MCIDAS: variants seen among roughly 807,000 people sequenced by gnomAD.
MCIDAS encodes the protein multiciliate differentiation and DNA synthesis associated cell cycle protein.
In MCIDAS, 23 loss-of-function variants were observed where a neutral mutation model predicts 35.4. That is an observed-to-expected ratio of 0.65 (90% confidence interval 0.47 to 0.92). MCIDAS has a LOEUF of 0.92. MCIDAS is among the 40% of genes least tolerant of loss of function. The pLI is 0.00. For missense variants in MCIDAS, 480 were observed against 531.8 expected (o/e 0.90, Z 0.96); for synonymous variants, 228 against 235.2 (o/e 0.97, Z 0.28).
Position 55,220,676 on chromosome 5 carries a change from A to C in MCIDAS, c.848T>G (p.Ile283Ser), listed in dbSNP as rs1745337301. The change falls in exon 7 of 7, where the codon ATC becomes AGC. Residue 283 changes from isoleucine to serine, a missense_variant. Coordinates refer to ENST00000513312, the MANE Select transcript of MCIDAS (RefSeq NM_001190787.3). Reference protein sequence around the residue: ...AGQDCAEVDAILREISERCDE... With the variant: ...AGQDCAEVDASLREISERCDE... ...GCAGCGCTCGGAAATCTCCCTCAGG[A>C]TGGCGTCCACTTCCGCGCAATCCTG... The C allele has an allele frequency of 6.5e-7, 1 of 1,535,940 alleles. No homozygotes were observed. Among genetic ancestry groups the C allele is most frequent in the African/African-American group, 1.4e-5 (1 of 73,048 alleles).
rs954026224 is a variant in MCIDAS at position 55,227,083 on chromosome 5, G to C, written c.56C>G (p.Pro19Arg). ...AGRRAFDSIC[P>R]NRMLALPGRA... ...GCCCGGCAGTGCCAGCATTCTGTTG[G>C]GGCAGATGCTGTCGAAGGCCCGACG... Residue 19 changes from proline to arginine, a missense_variant, in exon 1 of 7, where the codon CCC becomes CGC. By Grantham distance (103) the Pro-to-Arg change is moderately radical. Transcript: ENST00000513312. 2.6e-6 allele frequency: 4 copies of C among 1,513,086 alleles called. No individual in the cohort carries two copies. Among genetic ancestry groups the C allele is most frequent in the Non-Finnish European group, 3.5e-6 (4 of 1,137,828 alleles). 93.7% of individuals were successfully genotyped at this position (1,513,086 alleles called of 1,614,324 possible).
chr5:55,227,074 A>C lies in MCIDAS; in HGVS notation c.65T>G (p.Met22Arg), dbSNP rs1432559245. 6.6e-7 allele frequency: 1 copy of C among 1,520,302 alleles called. No homozygotes were observed. The highest frequency in any genetic ancestry group is 8.8e-7 in the Non-Finnish European group (1 of 1,140,744). 94.2% of individuals were successfully genotyped at this position (1,520,302 alleles called of 1,614,324 possible). A position where few individuals can be genotyped will look rare whatever the true frequency, so the allele number is the denominator to read the frequency against. ...CAGCGCCCGGCCCGGCAGTGCCAGC[A>C]TTCTGTTGGGGCAGATGCTGTCGAA... ...RAFDSICPNRMLALPGRALLC... is the reference protein window; with the variant it reads ...RAFDSICPNRRLALPGRALLC... Residue 22 changes from methionine to arginine, a missense_variant, in exon 1 of 7, where the codon ATG becomes AGG. By Grantham distance (91) the Met-to-Arg change is moderately conservative. Coordinates refer to ENST00000513312, the MANE Select transcript of MCIDAS (RefSeq NM_001190787.3).
rs461103 is a variant in MCIDAS, at chr5:55,219,650, C to A, written c.*716G>T. 126,927 of 151,914 alleles carry A rather than the reference C, an allele frequency of 0.84. 52,999 individuals are homozygous for A. The highest frequency in any genetic ancestry group is 0.88 in the Middle Eastern group (256 of 292). The allele number at this position is 151,914 out of a possible 1,614,324, so 9.4% of individuals were successfully genotyped here. On this transcript the variant is annotated 3_prime_UTR_variant, in exon 7 of 7. Transcript: ENST00000513312. The stretch of plus-strand genomic sequence containing the variant: ...CTTATAGGTGGTTATTCTATTTGCA[C>A]AAATAGAACTGTATGGATAATGAAT...
At position 55,222,455 on chromosome 5, in the gene MCIDAS, A is replaced by G. The variant is rs987923722; in HGVS notation, c.383-56T>C. The G allele has an allele frequency of 2.0e-5, 28 of 1,381,778 alleles. No homozygotes were observed. The South Asian group carries it at 3.4e-4, about 17-fold the overall frequency. The allele number at this position is 1,381,778 out of a possible 1,614,324, so 85.6% of individuals were successfully genotyped here. ...CTCAAATTCATGCCCAGCTAGTTAC[A>G]GGAGCAAAATGCCACTCTGGGTGTA... On this transcript the variant is annotated intron_variant, in intron 4 of 6. Transcript: ENST00000513312.
rs917185931 is a variant in MCIDAS, at chr5:55,219,672, G to T, written c.*694C>A. The stretch of plus-strand genomic sequence containing the variant: ...GCACAAATAGAACTGTATGGATAAT[G>T]AATATAAACTGTTACCATAAATCTT... On this transcript the variant is annotated 3_prime_UTR_variant, in exon 7 of 7. Transcript: ENST00000513312. 3 of 152,002 alleles carry T rather than the reference G, an allele frequency of 2.0e-5. No individual in the cohort carries two copies. Among genetic ancestry groups the T allele is most frequent in the Non-Finnish European group, 2.9e-5 (2 of 68,006 alleles). 9.4% of individuals were successfully genotyped at this position (152,002 alleles called of 1,614,324 possible).
chr5:55,220,202 A>T lies in MCIDAS; in HGVS notation c.*164T>A. 3 of 671,642 alleles carry T rather than the reference A, an allele frequency of 4.5e-6. No individual in the cohort carries two copies. The highest frequency in any genetic ancestry group is 7.4e-6 in the Non-Finnish European group (3 of 404,072). The allele number at this position is 671,642 out of a possible 1,614,324, so 41.6% of individuals were successfully genotyped here. Reference sequence around the variant, plus strand: ...TTTCACTGTGACAAGGGGAGGGGCTATACAATGTTTTGTAGCAGAAATTTA... The same window carrying T: ...TTTCACTGTGACAAGGGGAGGGGCTTTACAATGTTTTGTAGCAGAAATTTA... On this transcript the variant is annotated 3_prime_UTR_variant, in exon 7 of 7. Transcript: ENST00000513312.
chr5:55,222,170 C>T lies in MCIDAS; in HGVS notation c.606+6G>A. ...GGATTCCTGGTCGCCAGACCAGTGT[C>T]CCTACTTGATTATTCTCAACAAGCG... is the stretch of plus-strand genomic sequence containing the variant. On this transcript the variant is annotated splice_donor_region_variant and intron_variant, in intron 5 of 6. Transcript: ENST00000513312. The T allele has an allele frequency of 1.3e-6, 2 of 1,534,308 alleles. No individual in the cohort carries two copies. The highest frequency in any genetic ancestry group is 2.4e-5 in the East Asian group (1 of 40,894).
At chr5:55,222,072 G>C in intron 5 of MCIDAS, 104 bp downstream of exon 5, 2 of 1,096,100 alleles carry the variant, frequency 1.8e-6, no homozygotes, top group East Asian at 5.2e-5. Flanking sequence ...CAGTCCACTG[G>C]TTCCGACTCA....
chr5:55,226,584 C>A lies in MCIDAS; in HGVS notation c.301G>T (p.Ala101Ser), dbSNP rs921264958. 2.0e-5 allele frequency: 31 copies of A among 1,530,696 alleles called. No homozygotes were observed. The African/African-American group carries it at 3.6e-4, about 18-fold the overall frequency. 94.8% of individuals were successfully genotyped at this position (1,530,696 alleles called of 1,614,324 possible). ...ACGAGAAGGGGAGGTACCTGCGAGG[C>A]GGCCAGGTCACCACCAGGCGGCGCG... ...SDAPPGGDLA[A>S]SQNHSHQTEA... Residue 101 changes from alanine (A) to serine (S), a missense_variant, in exon 3 of 7, where the codon GCC becomes TCC. Ala to Ser is a moderately conservative substitution (Grantham distance 99, BLOSUM62 1). Transcript: ENST00000513312.
At chr5:55,225,572 C>T (rs1316336780) in intron 3 of MCIDAS, among the ~76,000 whole-genome samples, 1 of 152,248 alleles carries the variant, frequency 6.6e-6, no homozygotes, top group Non-Finnish European at 1.5e-5. Flanking sequence ...GCCACCTAAA[C>T]TGAGTGTCTC....
chr5:55,221,064 C>A lies in MCIDAS; in HGVS notation c.669G>T (p.Gln223His), dbSNP rs1234404594. Residue 223 changes from glutamine (Q) to histidine (H), a missense_variant, in exon 6 of 7, where the codon CAG (glutamine) becomes CAT (histidine). Coordinates refer to ENST00000513312, the MANE Select transcript of MCIDAS (RefSeq NM_001190787.3). ...GGGTTCGGCTGGCGAGTTCCTTCAG[C>A]TGCACGTTCCGCTCCTTGAGCGAGG... Reference protein sequence around the residue: ...EIASLKERNVQLKELASRTRH... With the variant: ...EIASLKERNVHLKELASRTRH... 5.2e-6 allele frequency: 8 copies of A among 1,536,136 alleles called. No individual in the cohort carries two copies. Among genetic ancestry groups the A allele is most frequent in the Non-Finnish European group, 7.0e-6 (8 of 1,146,894 alleles).
intron 5 of MCIDAS, among the ~76,000 whole-genome samples, 170 bp downstream of exon 5, chr5:55,222,006 C>T (rs1283433790): frequency 6.6e-6 from 1 of 152,078 alleles, no homozygotes; most frequent in East Asian, 1.9e-4. Flanking sequence ...TCCCACTTAA[C>T]CAATTTGGAA....
Position 55,227,046 on chromosome 5 carries a change from G to C in MCIDAS, c.93C>G (p.Leu31=), listed in dbSNP as rs577029897. ...TCCTCTCCGGCTTCCCCGGCTTGCA[G>C]AGCAGCGCCCGGCCCGGCAGTGCCA... ...RMLALPGRAL[L]CKPGKPERKF... The change falls in exon 1 of 7, where the codon CTC becomes CTG. Residue 31 remains leucine, a synonymous_variant. Coordinates refer to ENST00000513312, the MANE Select transcript of MCIDAS (RefSeq NM_001190787.3). 1.6e-4 allele frequency: 249 copies of C among 1,519,884 alleles called. 1 individual carries two copies. In the African/African-American group the frequency reaches 3.1e-3, roughly 19 times the overall value. The allele number at this position is 1,519,884 out of a possible 1,614,324, so 94.1% of individuals were successfully genotyped here. A position where few individuals can be genotyped will look rare whatever the true frequency, so the allele number is the denominator to read the frequency against.
At chr5:55,221,157 A>G (rs1745349930) in intron 5 of MCIDAS, 31 bp from the exon 6 acceptor site, 15 of 1,492,836 alleles carry the variant, frequency 1.0e-5, no homozygotes, top group Non-Finnish European at 1.4e-5. Flanking sequence ...ATTCAGGGGT[A>G]GGTACTGTGC....
Position 55,226,685 on chromosome 5 carries a change from G to C in MCIDAS, c.218-18C>G, listed in dbSNP as rs1220983264. The C allele has an allele frequency of 4.1e-6, 6 of 1,479,064 alleles. No homozygotes were observed. The highest frequency in any genetic ancestry group is 1.3e-5 in the South Asian group (1 of 75,946). The allele number at this position is 1,479,064 out of a possible 1,614,324, so 91.6% of individuals were successfully genotyped here. ...GGTGAGGGCTGCGCGGGGAGACCGG[G>C]AGACACGCGCCGGGCGGGCCCTGAG... On this transcript the variant is annotated intron_variant, in intron 2 of 6. Coordinates refer to ENST00000513312, the MANE Select transcript of MCIDAS (RefSeq NM_001190787.3).
intron 5 of MCIDAS, 53 bp from the exon 6 acceptor site, chr5:55,221,179 T>C: frequency 1.5e-6 from 2 of 1,326,606 alleles, no homozygotes; most frequent in Non-Finnish European, 2.1e-6. Context: ...GGGTCTCGTC[T>C]GCATATCTGG....
rs939457499 is a variant in MCIDAS, at chr5:55,220,373, G to T, written c.1151C>A (p.Pro384His). 1.3e-6 allele frequency: 2 copies of T among 1,534,422 alleles called. No individual in the cohort carries two copies. The highest frequency in any genetic ancestry group is 3.9e-5 in the Admixed American group (2 of 50,972). Residue 384 changes from proline (P) to histidine (H), a missense_variant, in exon 7 of 7, where the codon CCC becomes CAC. Physicochemically the swap from Pro to His is moderately conservative, Grantham distance 77. Coordinates refer to ENST00000513312, the MANE Select transcript of MCIDAS (RefSeq NM_001190787.3). ...GGGGGACCACATCACAGCTCAACTG[G>T]GGACCCAGCGGAACTTGTAACCCCC... is the stretch of plus-strand genomic sequence containing the variant. The part of the protein sequence containing the change: ...ANGGYKFRWV[P>H]S
Position 55,220,629 on chromosome 5 carries a change from C to CGCGGCCAA in MCIDAS, c.894_895insTTGGCCGC (p.Asp299LeufsTer40). 6.5e-7 allele frequency: 1 copy of CGCGGCCAA among 1,536,118 alleles called. No individual in the cohort carries two copies. The highest frequency in any genetic ancestry group is 8.7e-7 in the Non-Finnish European group (1 of 1,146,884). On this transcript the variant is annotated frameshift_variant, in exon 7 of 7. Coordinates refer to ENST00000513312, the MANE Select transcript of MCIDAS (RefSeq NM_001190787.3). LOFTEE classifies it high-confidence loss of function. ...GGCAGCAGTCGGGGCCGCTTGGGAT[C>CGCGGCCAA]GCGGCTCTGAAGGGCTTCATCGCAG...
chr5:55,226,779 C>T, intron 2 of MCIDAS, 56 bp downstream of exon 2: 1 of 1,391,614 alleles, frequency 7.2e-7, no homozygotes. Context: ...GCTGTGCGCG[C>T]CGCACCCTCC....
Sources: allele counts gnomAD v4.1 joint callset (sites outside exome capture counted in the v4.1 genomes callset), GRCh38; gene constraint gnomAD v4.1.1; transcripts MANE v1.5; gene names NCBI Gene and HGNC (gene_info 2026-07-23, HGNC 2026-07-21).